DNM3: variants seen among roughly 807,000 people sequenced by gnomAD.
The protein encoded by DNM3 is dynamin-3.
In DNM3, 47 loss-of-function variants were observed where a neutral mutation model predicts 101.6. That is an observed-to-expected ratio of 0.46 (90% CI 0.37 to 0.59). The LOEUF (loss-of-function observed/expected upper bound fraction) is 0.59. Ranked by LOEUF, DNM3 falls within the 20% of genes least tolerant of loss-of-function variation. DNM3 has a pLI of 0.00. For missense variants in DNM3, 849 were observed against 1,085.7 expected (o/e 0.78, Z 3.06); for synonymous variants, 385 against 387.9 (o/e 0.99, Z 0.09).
intron 2 of DNM3, among the ~76,000 whole-genome samples, chr1:171,982,675 T>TGC (rs1216920785): frequency 6.6e-6 from 1 of 151,620 alleles, no homozygotes; most frequent in African/African-American, 2.4e-5. Flanking sequence ...TGTGTGTGTG[T>TGC]GTGTGTGTAT....
At chr1:171,916,560 G>A (rs781741427) in intron 1 of DNM3, among the ~76,000 whole-genome samples, 3 of 152,146 alleles carry the variant, frequency 2.0e-5, no homozygotes, top group African/African-American at 7.2e-5. Context: ...CCTGCCATTT[G>A]TCTTCTTTCC....
chr1:172,070,447 A>G (rs894932850), intron 11 of DNM3, among the ~76,000 whole-genome samples: 6 of 152,222 alleles, frequency 3.9e-5, no homozygotes, highest in Admixed American at 3.9e-4. Context: ...ATGATAATAA[A>G]TCCTACTTAA....
chr1:172,080,758 G>A (rs745493156), intron 11 of DNM3, among the ~76,000 whole-genome samples: 27 of 152,140 alleles, frequency 1.8e-4, no homozygotes, highest in Non-Finnish European at 3.7e-4. Context: ...TTGTGGTGTA[G>A]GCACCCAAGG....
intron 1 of DNM3, among the ~76,000 whole-genome samples, chr1:171,905,661 A>T (rs1415179323): frequency 6.6e-6 from 1 of 152,220 alleles, no homozygotes; most frequent in Non-Finnish European, 1.5e-5. Flanking sequence ...ATTAAAACTC[A>T]GGAAGAGGAC....
Position 172,409,809 on chromosome 1 carries a change from C to A in DNM3, c.*1968C>A. 2 of 985,698 alleles carry A rather than the reference C, an allele frequency of 2.0e-6. No homozygotes were observed. The highest frequency in any genetic ancestry group is 2.4e-6 in the Non-Finnish European group (2 of 829,866). The allele number at this position is 985,698 out of a possible 1,614,324, so 61.1% of individuals were successfully genotyped here. A position where few individuals can be genotyped will look rare whatever the true frequency, so the allele number is the denominator to read the frequency against. ...AAATAGGCAGCTAACGGATTATATACTTCAGGGTTTGGCTTTGTGCTAAAT... is the reference window on the plus strand; with the variant it reads ...AAATAGGCAGCTAACGGATTATATAATTCAGGGTTTGGCTTTGTGCTAAAT... On this transcript the variant is annotated 3_prime_UTR_variant, in exon 21 of 21. Transcript: ENST00000627582.
intron 14 of DNM3, among the ~76,000 whole-genome samples, chr1:172,145,203 T>C (rs1345710393): frequency 6.6e-6 from 1 of 152,124 alleles, no homozygotes; most frequent in African/African-American, 2.4e-5. Context: ...AACAGAAAGT[T>C]GAACACTGGA....
intron 4 of DNM3, among the ~76,000 whole-genome samples, chr1:171,999,755 C>T (rs1360950911): frequency 6.6e-6 from 1 of 151,966 alleles, no homozygotes; most frequent in Non-Finnish European, 1.5e-5. Flanking sequence ...TAACTGATAT[C>T]TTTATAAGAG....
intron 15 of DNM3, among the ~76,000 whole-genome samples, chr1:172,272,470 A>C (rs895338532): frequency 6.6e-6 from 1 of 152,096 alleles, no homozygotes; most frequent in African/African-American, 2.4e-5. Flanking sequence ...TAGGGCACCC[A>C]CCCTTGCCTT....
chr1:172,108,272 C>A (rs909208747), intron 13 of DNM3, among the ~76,000 whole-genome samples: 2 of 152,068 alleles, frequency 1.3e-5, no homozygotes, highest in African/African-American at 4.8e-5. Context: ...ATAAATCCCC[C>A]ACCCCCTAGT....
Position 171,972,892 on chromosome 1 carries a change from A to AC in DNM3, c.236-14764_236-14763insC, listed in dbSNP as rs61242559. Among the ~76,000 whole-genome samples, 5 of 151,152 alleles carry AC rather than the reference A, an allele frequency of 3.3e-5. No individual in the cohort carries two copies. In the Admixed American group the frequency reaches 3.3e-4, roughly 10 times the overall value. On this transcript the variant is annotated intron_variant, in intron 2 of 20. Transcript: ENST00000627582. ...AAAAACAACAACAACAACAACAACAAAAACCCCAGATTCCTGTGGGGAAGA... is the reference window on the plus strand; with the variant it reads ...AAAAACAACAACAACAACAACAACAACAAACCCCAGATTCCTGTGGGGAAGA...
At chr1:172,115,513 C>G (rs1340759255) in intron 13 of DNM3, among the ~76,000 whole-genome samples, 4 of 152,188 alleles carry the variant, frequency 2.6e-5, no homozygotes, top group African/African-American at 9.7e-5. Flanking sequence ...ATCTAAAGGT[C>G]TCCAATGACT....
chr1:172,268,464 T>C (rs1412953899), intron 15 of DNM3, among the ~76,000 whole-genome samples: 2 of 152,104 alleles, frequency 1.3e-5, no homozygotes, highest in Non-Finnish European at 2.9e-5. Context: ...ATCTTTTTCC[T>C]TTAAGAGTGT....
At chr1:172,209,120 A>T (rs1339806634) in intron 14 of DNM3, among the ~76,000 whole-genome samples, 1 of 152,002 alleles carries the variant, frequency 6.6e-6, no homozygotes, top group Non-Finnish European at 1.5e-5. Flanking sequence ...AGTTAAAATG[A>T]GGTAATCACA....
chr1:172,057,704 T>C (rs1336765969), intron 10 of DNM3, among the ~76,000 whole-genome samples: 1 of 151,308 alleles, frequency 6.6e-6, no homozygotes, highest in Non-Finnish European at 1.5e-5. Context: ...GCACTAAACA[T>C]GGAAAGGAAC....
At chr1:171,880,947 G>GA (rs2036217164) in intron 1 of DNM3, among the ~76,000 whole-genome samples, 1 of 151,824 alleles carries the variant, frequency 6.6e-6, no homozygotes, top group South Asian at 2.1e-4. Flanking sequence ...TGCTAACTTT[G>GA]AATGGGTACA....
chr1:172,133,266 G>A, intron 14 of DNM3: 1 of 1,065,898 alleles, frequency 9.4e-7, no homozygotes, highest in Non-Finnish European at 1.1e-6. Context: ...GTGAGCTCTT[G>A]GTTATTGGCT....
chr1:172,264,149 C>G (rs1443543142), intron 15 of DNM3, among the ~76,000 whole-genome samples: 4 of 152,162 alleles, frequency 2.6e-5, no homozygotes, highest in African/African-American at 9.7e-5. Context: ...AAGACTACTT[C>G]AAATGGGAAA....
chr1:172,071,504 C>T (rs1431089549), intron 11 of DNM3, among the ~76,000 whole-genome samples: 1 of 152,038 alleles, frequency 6.6e-6, no homozygotes, highest in Non-Finnish European at 1.5e-5. Flanking sequence ...TTAAAGTATC[C>T]AGTTAGACAG....
At chr1:171,849,959 T>G (rs6665335) in intron 1 of DNM3, among the ~76,000 whole-genome samples, 113,732 of 152,158 alleles carry the variant, frequency 0.75, 43,202 homozygotes, top group African/African-American at 0.9. Flanking sequence ...CTAGAGAATA[T>G]ATTTTAAGGA....
Sources: gnomAD v4.1 joint callset for allele counts (sites outside exome capture counted in the v4.1 genomes callset) on GRCh38, gnomAD v4.1.1 for gene constraint, MANE v1.5 for transcripts, NCBI Gene and HGNC (gene_info 2026-07-23, HGNC 2026-07-21) for gene names.